ZNF616: variants seen among roughly 807,000 people sequenced by gnomAD.
ZNF616 encodes zinc finger protein 616.
Under a neutral mutation model 7.6 loss-of-function variants are expected in ZNF616, and 5 were observed. The ratio of observed to expected loss-of-function variants is 0.66; its 90% CI spans 0.34 to 1.38. ZNF616 has a LOEUF of 1.38. ZNF616 is among the 40% of genes most tolerant of loss of function. The pLI is 0.04. For missense variants in ZNF616, 913 were observed against 948.3 expected (o/e 0.96, Z 0.49); for synonymous variants, 319 against 317.2 (o/e 1.01, Z -0.06).
chr19:52,115,169 C>T lies in ZNF616; in HGVS notation c.1995G>A (p.Glu665=), dbSNP rs183411140. ...AGCTCCGTTTAAAGGTTTTGCCACA[C>T]TCATTACATTTGTAAGGTCTGTCTC... ...HTGDRPYKCN[E]CGKTFKRSSN... The change falls in exon 4 of 4, where the codon GAG becomes GAA. Residue 665 remains glutamate (E), a synonymous_variant. Coordinates refer to ENST00000600228, the MANE Select transcript of ZNF616 (RefSeq NM_178523.5). 10 of 1,614,122 alleles carry T rather than the reference C, an allele frequency of 6.2e-6. No individual in the cohort carries two copies. In the East Asian group the frequency reaches 2.2e-4, roughly 36 times the overall value.
intron 1 of ZNF616, among the ~76,000 whole-genome samples, chr19:52,137,021 G>A (rs971399643): frequency 6.8e-6 from 1 of 147,164 alleles, no homozygotes; most frequent in Non-Finnish European, 1.5e-5. Context: ...AATATGTAAA[G>A]AAAATGTGTG....
At chr19:52,127,357 T>C (rs192672672) in intron 2 of ZNF616, among the ~76,000 whole-genome samples, 33 of 152,206 alleles carry the variant, frequency 2.2e-4, no homozygotes, top group Admixed American at 4.6e-4. Flanking sequence ...ACCCGGCCAA[T>C]ATGTGGAATT....
intron 2 of ZNF616, among the ~76,000 whole-genome samples, chr19:52,130,170 G>A (rs1333509353): frequency 3.3e-5 from 5 of 152,140 alleles, no homozygotes; most frequent in Non-Finnish European, 7.3e-5. Context: ...AGTGCATCCA[G>A]ATGTGGCCCC....
At chr19:52,136,870 T>C (rs145343082) in intron 1 of ZNF616, among the ~76,000 whole-genome samples, 37 of 151,734 alleles carry the variant, frequency 2.4e-4, no homozygotes, top group Middle Eastern at 3.4e-3. Flanking sequence ...AGAGACCAGC[T>C]TGGACAAAAC....
At chr19:52,125,896 T>A (rs980019609) in intron 2 of ZNF616, among the ~76,000 whole-genome samples, 4 of 152,064 alleles carry the variant, frequency 2.6e-5, no homozygotes, top group Admixed American at 2.6e-4. Flanking sequence ...ACCACAGATA[T>A]CTGCAGTACC....
rs777001593 is a variant in ZNF616, at chr19:52,116,049, C to T, written c.1115G>A (p.Arg372Gln). Residue 372 changes from arginine to glutamine, a missense_variant, in exon 4 of 4, where the codon CGG becomes CAG. Arg to Gln is a conservative substitution (Grantham distance 43). Transcript: ENST00000600228. ...FRHRSNLVCH[R>Q]RIHSGEKQYK... is the part of the protein sequence containing the mutation. ...TTGTTTCTCTCCACTGTGGATTCTC[C>T]GGTGACATACAAGATTTGATCTATG... 41 of 1,613,936 alleles carry T rather than the reference C, an allele frequency of 2.5e-5. No individual in the cohort carries two copies. Among genetic ancestry groups the T allele is most frequent in the Admixed American group, 2.2e-4 (13 of 59,988 alleles).
intron 3 of ZNF616, among the ~76,000 whole-genome samples, chr19:52,119,945 T>C (rs1052036983): frequency 2.1e-4 from 32 of 151,926 alleles, no homozygotes; most frequent in Non-Finnish European, 5.9e-5. Flanking sequence ...GAAGAAAAAA[T>C]TTGATAACAG....
At chr19:52,137,047 GTA>G (rs1347933654) in intron 1 of ZNF616, among the ~76,000 whole-genome samples, 12 of 91,654 alleles carry the variant, frequency 1.3e-4, no homozygotes, top group African/African-American at 5.4e-4. Context: ...ATATATTTAT[GTA>G]TGTGTATATA....
rs762432542 is a variant in ZNF616 at position 52,114,894 on chromosome 19, C to G, written c.2270G>C (p.Arg757Pro). Residue 757 changes from arginine to proline, a missense_variant, in exon 4 of 4, where the codon CGC becomes CCC. Transcript: ENST00000600228. ...TATTCGATGTTTAGTGAGGCCTGAG[C>G]GACAAATAAAAGATTTCCCACACTC... is the stretch of plus-strand genomic sequence containing the variant. ...CNECGKSFIC[R>P]SGLTKHRIRH... The G allele has an allele frequency of 1.2e-6, 2 of 1,613,298 alleles. No individual in the cohort carries two copies. The highest frequency in any genetic ancestry group is 4.5e-5 in the East Asian group (2 of 44,890).
intron 3 of ZNF616, among the ~76,000 whole-genome samples, chr19:52,121,288 C>T (rs868334836): frequency 6.6e-6 from 1 of 152,078 alleles, no homozygotes; most frequent in Non-Finnish European, 1.5e-5. Flanking sequence ...CTCCTGACCT[C>T]GTTTAACACA....
Position 52,115,205 on chromosome 19 carries a change from A to G in ZNF616, c.1959T>C (p.Thr653=), listed in dbSNP as rs564164480. ...TGTAAGGTCTGTCTCCAGTATGAAC[A>G]GTCTGATGAAGTCTAAGATGGACAC... is the stretch of plus-strand genomic sequence containing the variant. ...SQRVHLRLHQ[T]VHTGDRPYKC... Residue 653 remains threonine, a synonymous_variant, in exon 4 of 4, where the codon ACT becomes ACC. Transcript: ENST00000600228. 2 of 1,614,158 alleles carry G rather than the reference A, an allele frequency of 1.2e-6. No homozygotes were observed. The highest frequency in any genetic ancestry group is 1.7e-6 in the Non-Finnish European group (2 of 1,180,020).
intron 1 of ZNF616, among the ~76,000 whole-genome samples, chr19:52,133,422 ATATTT>A (rs2088977318): frequency 6.6e-6 from 1 of 152,180 alleles, no homozygotes; most frequent in African/African-American, 2.4e-5. Context: ...TTTTTAACTT[ATATTT>A]TAAGTTCAGG....
chr19:52,120,989 G>A (rs79839752), intron 3 of ZNF616, among the ~76,000 whole-genome samples: 3,563 of 152,268 alleles, frequency 0.023, 131 homozygotes, highest in African/African-American at 0.081. Flanking sequence ...AAAACAGCAC[G>A]AAAGAATTTT....
intron 1 of ZNF616, among the ~76,000 whole-genome samples, chr19:52,132,673 T>C (rs2088971145): frequency 6.6e-6 from 1 of 152,206 alleles, no homozygotes; most frequent in Admixed American, 6.5e-5. Flanking sequence ...CTACTTCGCC[T>C]GCTACCATGT....
intron 2 of ZNF616, among the ~76,000 whole-genome samples, chr19:52,130,268 C>T (rs183147433): frequency 1.3e-5 from 2 of 152,274 alleles, no homozygotes; most frequent in East Asian, 3.9e-4. Flanking sequence ...CTTCCCAGGA[C>T]CATGCCCAGT....
chr19:52,115,749 T>C lies in ZNF616; in HGVS notation c.1415A>G (p.Lys472Arg). 4 of 1,614,190 alleles carry C rather than the reference T, an allele frequency of 2.5e-6. No homozygotes were observed. The highest frequency in any genetic ancestry group is 1.7e-6 in the Non-Finnish European group (2 of 1,180,030). ...AAGTCGTGAATGTATGCTGAAAACTTTGCCACATTCATTGCATTTATAAGC... is the reference window on the plus strand; with the variant it reads ...AAGTCGTGAATGTATGCTGAAAACTCTGCCACATTCATTGCATTTATAAGC... The part of the protein sequence containing the change: ...EKAYKCNECG[K>R]VFSIHSRLAA... The change falls in exon 4 of 4, where the codon AAA (lysine) becomes AGA (arginine). Residue 472 changes from lysine to arginine, a missense_variant. Physicochemically the swap from Lys to Arg is conservative, Grantham distance 26 (BLOSUM62 2). Transcript: ENST00000600228.
chr19:52,123,123 A>G (rs1462048778), intron 3 of ZNF616, among the ~76,000 whole-genome samples: 1 of 152,186 alleles, frequency 6.6e-6, no homozygotes, highest in Non-Finnish European at 1.5e-5. Flanking sequence ...CCAATACAAC[A>G]CTACCTCAAA....
intron 1 of ZNF616, among the ~76,000 whole-genome samples, chr19:52,136,542 G>C (rs1283083638): frequency 2.0e-5 from 3 of 151,946 alleles, no homozygotes; most frequent in African/African-American, 7.3e-5. Flanking sequence ...ACCATAAGCT[G>C]TCACCTCATA....
At chr19:52,122,729 G>A (rs995828949) in intron 3 of ZNF616, among the ~76,000 whole-genome samples, 2 of 151,248 alleles carry the variant, frequency 1.3e-5, no homozygotes, top group African/African-American at 4.9e-5. Flanking sequence ...CCGCCTCCCG[G>A]GTTCATGCCA....
Sources: allele counts gnomAD v4.1 joint callset (sites outside exome capture counted in the v4.1 genomes callset), GRCh38; gene constraint gnomAD v4.1.1; transcripts MANE v1.5; gene names NCBI Gene and HGNC (gene_info 2026-07-23, HGNC 2026-07-21).